EXOC2: variants seen among roughly 807,000 people sequenced by gnomAD.
The protein encoded by EXOC2 is SEC5-like 1.
In EXOC2, 70 loss-of-function variants were observed where a neutral mutation model predicts 131.8. That is an observed-to-expected ratio of 0.53 (90% CI 0.44 to 0.65). EXOC2 has a LOEUF of 0.65. EXOC2 is among the 30% of genes least tolerant of loss of function. EXOC2 has a pLI of 0.00. For missense variants in EXOC2, 923 were observed against 1,108.6 expected (o/e 0.83, Z 2.38); for synonymous variants, 411 against 398.4 (o/e 1.03, Z -0.38).
intron 17 of EXOC2, among the ~76,000 whole-genome samples, chr6:561,347 C>T (rs1757689226): frequency 6.6e-6 from 1 of 152,102 alleles, no homozygotes; most frequent in African/African-American, 2.4e-5. Context: ...TATAGAAAGC[C>T]AACTTTTAGG....
chr6:670,316 T>G (rs545596319), intron 1 of EXOC2: 1 of 152,354 alleles, frequency 6.6e-6, no homozygotes, highest in East Asian at 1.9e-4. Context: ...TACTATCTGT[T>G]GGATTCTGCC....
At chr6:504,482 T>C (rs902743965) in intron 23 of EXOC2, among the ~76,000 whole-genome samples, 3 of 152,254 alleles carry the variant, frequency 2.0e-5, no homozygotes, top group African/African-American at 2.4e-5. Flanking sequence ...AGAGGGGCCA[T>C]GCTGCAATTA....
At chr6:616,992 T>A (rs1291892437) in intron 6 of EXOC2, among the ~76,000 whole-genome samples, 1 of 152,182 alleles carries the variant, frequency 6.6e-6, no homozygotes, top group Non-Finnish European at 1.5e-5. Flanking sequence ...AAATAATTTT[T>A]AAAATTTACC....
intron 9 of EXOC2, among the ~76,000 whole-genome samples, chr6:598,455 G>T (rs1342088149): frequency 6.6e-6 from 1 of 152,148 alleles, no homozygotes; most frequent in Non-Finnish European, 1.5e-5. Context: ...TGTAACTCTG[G>T]CATTAGACAT....
rs1478059724 is a variant in EXOC2, at chr6:486,431, ATG to A, written c.*238_*239del. 57 of 403,944 alleles carry A rather than the reference ATG, an allele frequency of 1.4e-4. No homozygotes were observed. The highest frequency in any genetic ancestry group is 8.6e-5 in the Admixed American group (2 of 23,280). 25.0% of individuals were successfully genotyped at this position (403,944 alleles called of 1,614,324 possible). A position where few individuals can be genotyped will look rare whatever the true frequency, so the allele number is the denominator to read the frequency against. Reference sequence around the variant, plus strand: ...GCTGAGATGCAAAATATATTTTAAAATGTATTTTAAAGTCATACAGGATCTGA... The same window carrying A: ...GCTGAGATGCAAAATATATTTTAAAATATTTTAAAGTCATACAGGATCTGA... On this transcript the variant is annotated 3_prime_UTR_variant, in exon 28 of 28. Transcript: ENST00000230449.
intron 1 of EXOC2, among the ~76,000 whole-genome samples, chr6:650,964 A>T (rs1355170888): frequency 2.0e-5 from 3 of 152,108 alleles, no homozygotes; most frequent in Non-Finnish European, 4.4e-5. Context: ...CACGATAAGC[A>T]ATTTGTTATG....
chr6:684,883 C>T (rs533590430), intron 1 of EXOC2, among the ~76,000 whole-genome samples: 9 of 152,200 alleles, frequency 5.9e-5, no homozygotes, highest in African/African-American at 1.7e-4. Flanking sequence ...TGAAGAGTTT[C>T]GCTGATTTCA....
At chr6:594,936 G>A (rs1759731862) in intron 10 of EXOC2, among the ~76,000 whole-genome samples, 1 of 151,922 alleles carries the variant, frequency 6.6e-6, no homozygotes, top group African/African-American at 2.4e-5. Context: ...ACTTTAAAAA[G>A]GCTTTTTAGA....
At chr6:691,922 C>T (rs1764945273) in intron 1 of EXOC2, among the ~76,000 whole-genome samples, 1 of 152,190 alleles carries the variant, frequency 6.6e-6, no homozygotes, top group Admixed American at 6.5e-5. Flanking sequence ...CTTTCTATTA[C>T]TACTCTGGGA....
intron 22 of EXOC2, among the ~76,000 whole-genome samples, chr6:547,962 T>G (rs1756950554): frequency 6.6e-6 from 1 of 152,220 alleles, no homozygotes; most frequent in Admixed American, 6.5e-5. Context: ...ACTTGCTTCT[T>G]TTACATGCAA....
At chr6:613,809 C>A (rs975099726) in intron 6 of EXOC2, among the ~76,000 whole-genome samples, 1 of 151,988 alleles carries the variant, frequency 6.6e-6, no homozygotes, top group African/African-American at 2.4e-5. Context: ...TGCAGCACAC[C>A]AACATGGCAC....
intron 11 of EXOC2, among the ~76,000 whole-genome samples, chr6:581,217 A>G (rs1437725685): frequency 6.6e-6 from 1 of 151,736 alleles, no homozygotes; most frequent in East Asian, 1.9e-4. Flanking sequence ...AACTGCTTGT[A>G]CCTGGGAGAC....
At chr6:638,073 G>T (rs1293239101) in intron 1 of EXOC2, among the ~76,000 whole-genome samples, 1 of 152,122 alleles carries the variant, frequency 6.6e-6, no homozygotes, top group African/African-American at 2.4e-5. Context: ...AAAGACATAA[G>T]AATAACAGAA....
At position 658,668 on chromosome 6, in the gene EXOC2, T is replaced by TTTATATATATATATATATATATA. The variant is rs1561983465; in HGVS notation, c.-43-20808_-43-20807insTATATATATATATATATATATAA. Among the ~76,000 whole-genome samples the TTTATATATATATATATATATATA allele has an allele frequency of 7.5e-4, 96 of 127,782 alleles. 2 individuals are homozygous for TTTATATATATATATATATATATA. Among genetic ancestry groups the TTTATATATATATATATATATATA allele is most frequent in the Non-Finnish European group, 1.4e-3 (81 of 58,926 alleles). 83.8% of individuals were successfully genotyped at this position (127,782 alleles called of 152,430 possible). ...TTTTATATATATATATATATATATTTTTTTTTTTTTTAGACGAAGTCTTGC... is the reference window on the plus strand; with the variant it reads ...TTTTATATATATATATATATATATTTTTATATATATATATATATATATATTTTTTTTTTTAGACGAAGTCTTGC... On this transcript the variant is annotated intron_variant, in intron 1 of 27. Transcript: ENST00000230449.
At chr6:582,287 C>T (rs1209746447) in intron 11 of EXOC2, among the ~76,000 whole-genome samples, 1 of 151,994 alleles carries the variant, frequency 6.6e-6, no homozygotes. Flanking sequence ...GCAGAAGAGA[C>T]CCTTCTTAAG....
Position 647,322 on chromosome 6 carries a change from G to A in EXOC2, c.-43-9461C>T, listed in dbSNP as rs1762618733. On this transcript the variant is annotated intron_variant, in intron 1 of 27. Coordinates refer to ENST00000230449, the MANE Select transcript of EXOC2 (RefSeq NM_018303.6). ...AATTACCGTTGACATTAATGTTACT[G>A]AAAAGATGATTAGTACAAACATCAG... 2.0e-5 allele frequency among the ~76,000 whole-genome samples: 3 copies of A among 151,798 alleles called. No homozygotes were observed. The South Asian group carries it at 6.3e-4, about 32-fold the overall frequency.
chr6:690,125 C>A (rs1264276107), intron 1 of EXOC2, among the ~76,000 whole-genome samples: 1 of 152,110 alleles, frequency 6.6e-6, no homozygotes, highest in Admixed American at 6.5e-5. Flanking sequence ...GAAGCTGAGG[C>A]CAGCGCATCA....
chr6:504,353 G>A (rs1173907921), intron 23 of EXOC2, among the ~76,000 whole-genome samples: 1 of 152,252 alleles, frequency 6.6e-6, no homozygotes, highest in African/African-American at 2.4e-5. Flanking sequence ...AGGCCTCGCG[G>A]TGATGGCAGA....
chr6:515,278 C>G (rs769576248), intron 23 of EXOC2, among the ~76,000 whole-genome samples: 2 of 152,148 alleles, frequency 1.3e-5, no homozygotes, highest in Non-Finnish European at 2.9e-5. Context: ...AACACGCAAA[C>G]AAAACCAGGA....
Sources: gnomAD v4.1 joint callset for allele counts (sites outside exome capture counted in the v4.1 genomes callset) on GRCh38, gnomAD v4.1.1 for gene constraint, MANE v1.5 for transcripts, NCBI Gene and HGNC (gene_info 2026-07-23, HGNC 2026-07-21) for gene names.